The following CASD1 variants were observed in gnomAD, a reference collection of about 807,000 sequenced individuals.
CASD1 encodes the protein N-acetylneuraminate (7)9-O-acetyltransferase.
Under a neutral mutation model 100.0 loss-of-function variants are expected in CASD1, and 41 were observed. The observed-to-expected ratio is 0.41, with a 90% CI of 0.32 to 0.53. The LOEUF (loss-of-function observed/expected upper bound fraction) is 0.53. CASD1 is among the 20% of genes least tolerant of loss of function. The pLI is 0.25. For missense variants in CASD1, 774 were observed against 948.7 expected, an observed-to-expected ratio of 0.82 and a Z score of 2.42; for synonymous variants, 321 against 315.6, an observed-to-expected ratio of 1.02 and a Z score of -0.18.
At chr7:94,520,491 A>G (rs182556144) in intron 3 of CASD1, among the ~76,000 whole-genome samples, 435 of 152,354 alleles carry the variant, frequency 2.9e-3, no homozygotes, top group African/African-American at 9.8e-3. Flanking sequence ...AAATTTGGGC[A>G]GAGCTAGATA....
At chr7:94,510,442 C>T (rs2116142881) in intron 1 of CASD1, among the ~76,000 whole-genome samples, 1 of 152,198 alleles carries the variant, frequency 6.6e-6, no homozygotes, top group East Asian at 2.0e-4. Flanking sequence ...GTTCTGGGCG[C>T]CCCGAGCCGC....
At chr7:94,544,871 C>T (rs893819004) in intron 11 of CASD1, among the ~76,000 whole-genome samples, 4 of 151,942 alleles carry the variant, frequency 2.6e-5, no homozygotes, top group Non-Finnish European at 5.9e-5. Flanking sequence ...AAGTTTCTAC[C>T]TAGTGCTAAG....
At chr7:94,535,683 TATC>T (rs1447784363) in intron 8 of CASD1, among the ~76,000 whole-genome samples, 160 bp downstream of exon 8, 7 of 152,232 alleles carry the variant, frequency 4.6e-5, no homozygotes, top group Non-Finnish European at 2.9e-5. Context: ...TTTTGCTTTC[TATC>T]ATCTAGTTGA....
the CASD1 span, among the ~76,000 whole-genome samples, chr7:94,574,796 C>A: frequency 6.6e-6 from 1 of 152,094 alleles, no homozygotes; most frequent in African/African-American, 2.4e-5. Context: ...CGGTGAAACC[C>A]CGCCTCTACT....
At chr7:94,592,108 A>G in the CASD1 span, among the ~76,000 whole-genome samples, 2 of 152,240 alleles carry the variant, frequency 1.3e-5, no homozygotes, top group African/African-American at 2.4e-5. Flanking sequence ...AGATGTGTGC[A>G]CATAGCTCTG....
intron 4 of CASD1, 91 bp from the exon 5 acceptor site, chr7:94,528,097 G>C (rs1794664331): frequency 1.1e-6 from 1 of 879,194 alleles, no homozygotes; most frequent in East Asian, 2.5e-5. Flanking sequence ...TTACTTTTAA[G>C]TACTCTGTAA....
At chr7:94,523,576 A>G (rs1234221836) in intron 3 of CASD1, among the ~76,000 whole-genome samples, 1 of 152,258 alleles carries the variant, frequency 6.6e-6, no homozygotes, top group African/African-American at 2.4e-5. Context: ...TAGATGGAAT[A>G]TAATATACTG....
intron 10 of CASD1, among the ~76,000 whole-genome samples, chr7:94,543,307 A>G (rs1795508402): frequency 6.6e-6 from 1 of 152,176 alleles, no homozygotes; most frequent in Non-Finnish European, 1.5e-5. Flanking sequence ...AAATCTATTT[A>G]ATGTGTCTGC....
intron 3 of CASD1, among the ~76,000 whole-genome samples, chr7:94,526,262 G>A (rs1794559986): frequency 6.6e-6 from 1 of 152,192 alleles, no homozygotes; most frequent in South Asian, 2.1e-4. Flanking sequence ...CAGTCATTCA[G>A]CAGTTCCTAC....
chr7:94,542,265 T>G (rs1795440945), intron 10 of CASD1, among the ~76,000 whole-genome samples: 1 of 152,174 alleles, frequency 6.6e-6, no homozygotes, highest in Non-Finnish European at 1.5e-5. Flanking sequence ...TCTGACAGAC[T>G]CTAGAGCTAG....
intron 6 of CASD1, 136 bp downstream of exon 6, chr7:94,533,385 T>C (rs1213999888): frequency 3.1e-6 from 2 of 635,332 alleles, no homozygotes. Context: ...ATTAGATTGA[T>C]GAATTTTAAT....
the CASD1 span, among the ~76,000 whole-genome samples, chr7:94,606,404 G>A: frequency 6.6e-6 from 1 of 152,182 alleles, no homozygotes; most frequent in East Asian, 1.9e-4. Flanking sequence ...TAATGATAAA[G>A]AGGTCAATTC....
chr7:94,607,572 G>A, the CASD1 span, among the ~76,000 whole-genome samples: 1 of 152,078 alleles, frequency 6.6e-6, no homozygotes, highest in South Asian at 2.1e-4. Flanking sequence ...TCAGATGCAG[G>A]AAATGCATTT....
chr7:94,518,100 A>T (rs1296553236), intron 2 of CASD1, 103 bp from the exon 3 acceptor site: 8 of 1,101,878 alleles, frequency 7.3e-6, no homozygotes, highest in Admixed American at 2.7e-5. Flanking sequence ...ATATAATGGT[A>T]TGTGTAACAA....
At chr7:94,527,023 T>C in intron 3 of CASD1, 139 bp from the exon 4 acceptor site, 1 of 641,466 alleles carries the variant, frequency 1.6e-6, no homozygotes, top group South Asian at 2.2e-5. Context: ...TCGGGTTGAA[T>C]GTATAGATAA....
Position 94,547,117 on chromosome 7 carries a change from G to C in CASD1, c.1655G>C (p.Gly552Ala), listed in dbSNP as rs745707210. The C allele has an allele frequency of 6.3e-7, 1 of 1,588,460 alleles. No individual in the cohort carries two copies. The highest frequency in any genetic ancestry group is 2.3e-5 in the East Asian group (1 of 44,060). The change falls in exon 13 of 18, where the codon GGC becomes GCC. Residue 552 changes from glycine to alanine, a missense_variant. Physicochemically the swap from Gly to Ala is moderately conservative, Grantham distance 60. This residue lies in a region of CASD1 where 453 missense variants were observed against 532.6 expected (regional missense o/e 0.85). Transcript: ENST00000297273. Reference sequence around the variant, plus strand: ...TTAGGAAATTGTTTCTGGCATTTTGGCTTACTGTTGAAACTAGGCTTTTTG... The same window carrying C: ...TTAGGAAATTGTTTCTGGCATTTTGCCTTACTGTTGAAACTAGGCTTTTTG... ...KANGNCFWHF[G>A]LLLKLGFLLL...
chr7:94,567,551 A>G, the CASD1 span, among the ~76,000 whole-genome samples: 1 of 152,180 alleles, frequency 6.6e-6, no homozygotes, highest in Admixed American at 6.6e-5. Flanking sequence ...GATTTCAGAA[A>G]GAAGACACCA....
At chr7:94,609,487 G>A in the CASD1 span, among the ~76,000 whole-genome samples, 1 of 152,190 alleles carries the variant, frequency 6.6e-6, no homozygotes, top group Non-Finnish European at 1.5e-5. Flanking sequence ...AGCCAAGATT[G>A]CACCACTGCA....
At chr7:94,629,652 T>A in the CASD1 span, 1 of 1,358,874 alleles carries the variant, frequency 7.4e-7, no homozygotes, top group African/African-American at 1.4e-5. Flanking sequence ...CATATATGTC[T>A]ATATTATGCA....
Sources: allele counts gnomAD v4.1 joint callset (sites outside exome capture counted in the v4.1 genomes callset), GRCh38; gene constraint gnomAD v4.1.1; regional missense constraint gnomAD v4.1.1; transcripts MANE v1.5; gene names NCBI Gene and HGNC (gene_info 2026-07-23, HGNC 2026-07-21).